The following TNFSF8 variants were observed in gnomAD, a reference collection of about 807,000 sequenced individuals.
TNFSF8 encodes TNF superfamily member 8.
Under a neutral mutation model 22.0 loss-of-function variants are expected in TNFSF8, and 4 were observed. The ratio of observed to expected loss-of-function variants is 0.18; its 90% CI spans 0.09 to 0.42. The LOEUF (loss-of-function observed/expected upper bound fraction) is 0.42. Ranked by LOEUF, TNFSF8 falls within the 10% of genes least tolerant of loss-of-function variation. TNFSF8 has a pLI of 1.00. For synonymous variants in TNFSF8, 106 were observed against 112.5 expected (o/e 0.94, Z 0.37); for missense variants, 233 against 281.8 (o/e 0.83, Z 1.24).
intron 4 of TNFSF8, chr9:114,894,230 T>C: frequency 7.2e-7 from 1 of 1,382,392 alleles, no homozygotes; most frequent in Non-Finnish European, 9.9e-7. Flanking sequence ...TTTGACGTTG[T>C]TGTTACTCAG....
At chr9:114,922,056 A>C (rs1186698707) in intron 1 of TNFSF8, among the ~76,000 whole-genome samples, 2 of 148,492 alleles carry the variant, frequency 1.3e-5, no homozygotes, top group African/African-American at 4.9e-5. Context: ...TAGATGGCTA[A>C]TCATCCATCT....
At chr9:114,927,642 T>C (rs976309631) in intron 1 of TNFSF8, among the ~76,000 whole-genome samples, 1 of 152,256 alleles carries the variant, frequency 6.6e-6, no homozygotes, top group African/African-American at 2.4e-5. Flanking sequence ...ACTCATTATA[T>C]GTTATGACTT....
intron 3 of TNFSF8, among the ~76,000 whole-genome samples, chr9:114,905,565 G>T (rs1312612202): frequency 1.3e-5 from 2 of 152,218 alleles, no homozygotes; most frequent in African/African-American, 4.8e-5. Context: ...TGGGGACCAT[G>T]AATGCCCACA....
chr9:114,903,585 G>A lies in TNFSF8; in HGVS notation c.*346C>T, dbSNP rs1370291240. The A allele has an allele frequency of 1.9e-6, 1 of 534,078 alleles. No homozygotes were observed. The highest frequency in any genetic ancestry group is 2.4e-6 in the Non-Finnish European group (1 of 410,614). 33.1% of individuals were successfully genotyped at this position (534,078 alleles called of 1,614,324 possible). A position where few individuals can be genotyped will look rare whatever the true frequency, so the allele number is the denominator to read the frequency against. Reference sequence around the variant, plus strand: ...CAGAGTTGCTAGCTGCTCTGGTACTGGAGCCCCATTTTAACTGGAGGCTCT... The same window carrying A: ...CAGAGTTGCTAGCTGCTCTGGTACTAGAGCCCCATTTTAACTGGAGGCTCT... On this transcript the variant is annotated 3_prime_UTR_variant, in exon 4 of 4. Coordinates refer to ENST00000223795, the MANE Select transcript of TNFSF8 (RefSeq NM_001244.4).
chr9:114,905,160 C>T (rs1456358446), intron 3 of TNFSF8, among the ~76,000 whole-genome samples: 3 of 152,162 alleles, frequency 2.0e-5, no homozygotes, highest in Non-Finnish European at 2.9e-5. Context: ...CCATGCTTTC[C>T]CTTTAAACCT....
chr9:114,903,797 G>A lies in TNFSF8; in HGVS notation c.*134C>T. ...TGGAGCTGTATCTTTCCAAGAGACA[G>A]AAGGAGAAGTATACTATTTAATACC... is the stretch of plus-strand genomic sequence containing the variant. On this transcript the variant is annotated 3_prime_UTR_variant, in exon 4 of 4. Transcript: ENST00000223795. The A allele has an allele frequency of 1.4e-6, 2 of 1,435,580 alleles. No individual in the cohort carries two copies. The highest frequency in any genetic ancestry group is 1.8e-6 in the Non-Finnish European group (2 of 1,100,978). The allele number at this position is 1,435,580 out of a possible 1,614,324, so 88.9% of individuals were successfully genotyped here.
At chr9:114,929,422 T>G (rs996408340) in intron 1 of TNFSF8, among the ~76,000 whole-genome samples, 2 of 151,808 alleles carry the variant, frequency 1.3e-5, no homozygotes, top group African/African-American at 4.8e-5. Context: ...AAGCTTTCGA[T>G]TTGTCTTGCT....
At chr9:114,911,071 C>G (rs899152518) in intron 2 of TNFSF8, among the ~76,000 whole-genome samples, 2 of 152,216 alleles carry the variant, frequency 1.3e-5, no homozygotes, top group East Asian at 3.9e-4. Context: ...TAGATTCTTT[C>G]TGCCTTACTC....
chr9:114,901,408 G>A lies in TNFSF8; in HGVS notation c.*2523C>T. The A allele has an allele frequency of 1.0e-6, 1 of 985,362 alleles. No homozygotes were observed. Among genetic ancestry groups the A allele is most frequent in the Non-Finnish European group, 1.2e-6 (1 of 829,920 alleles). 61.0% of individuals were successfully genotyped at this position (985,362 alleles called of 1,614,324 possible). A position where few individuals can be genotyped will look rare whatever the true frequency, so the allele number is the denominator to read the frequency against. On this transcript the variant is annotated 3_prime_UTR_variant, in exon 4 of 4. Transcript: ENST00000223795. ...GGTGTTGGCTTTCTTAGCATTGCTTGACAGAGACTGAGATTAGAAACCACT... is the reference window on the plus strand; with the variant it reads ...GGTGTTGGCTTTCTTAGCATTGCTTAACAGAGACTGAGATTAGAAACCACT...
exon 5 of TNFSF8, chr9:114,894,089 A>G (rs973307469): frequency 1.4e-5 from 22 of 1,535,060 alleles, no homozygotes; most frequent in Non-Finnish European, 1.7e-5. Flanking sequence ...TCAGGGTTGT[A>G]GAGTTTCAAG....
At chr9:114,916,150 C>T (rs900519639) in intron 2 of TNFSF8, among the ~76,000 whole-genome samples, 5 of 152,162 alleles carry the variant, frequency 3.3e-5, no homozygotes, top group African/African-American at 1.2e-4. Context: ...CAACTTAACT[C>T]CTGTCTATAT....
intron 2 of TNFSF8, among the ~76,000 whole-genome samples, chr9:114,910,539 C>T (rs1315856189): frequency 6.6e-6 from 1 of 152,130 alleles, no homozygotes; most frequent in Non-Finnish European, 1.5e-5. Flanking sequence ...GGGTTAAATG[C>T]AGGAAGAAGT....
intron 1 of TNFSF8, among the ~76,000 whole-genome samples, chr9:114,929,078 A>G (rs891951451): frequency 2.6e-5 from 4 of 152,188 alleles, no homozygotes; most frequent in African/African-American, 9.7e-5. Context: ...AACTTCATCA[A>G]AAAATTCATG....
intron 1 of TNFSF8, among the ~76,000 whole-genome samples, chr9:114,928,990 A>T (rs1006026): frequency 3.9e-5 from 6 of 152,080 alleles, no homozygotes; most frequent in African/African-American, 1.4e-4. Flanking sequence ...AAAAGTAGGC[A>T]CTATGAAGTA....
rs1564366951 is a variant in TNFSF8, at chr9:114,902,513, T to C, written c.*1418A>G. 9.1e-6 allele frequency: 9 copies of C among 985,318 alleles called. No individual in the cohort carries two copies. The highest frequency in any genetic ancestry group is 9.6e-6 in the Non-Finnish European group (8 of 829,928). 61.0% of individuals were successfully genotyped at this position (985,318 alleles called of 1,614,324 possible). A position where few individuals can be genotyped will look rare whatever the true frequency, so the allele number is the denominator to read the frequency against. ...TCAGATGGTTTCCCAAACACCCAGA[T>C]GGTCTCTTAGATTCTGGATGGTCAG... On this transcript the variant is annotated 3_prime_UTR_variant, in exon 4 of 4. Transcript: ENST00000223795.
chr9:114,899,338 A>G (rs1395049393), downstream of TNFSF8, among the ~76,000 whole-genome samples: 2 of 119,346 alleles, frequency 1.7e-5, no homozygotes, highest in Non-Finnish European at 3.2e-5. Flanking sequence ...CTTCACAGTA[A>G]GTTATTATTT....
intron 2 of TNFSF8, among the ~76,000 whole-genome samples, chr9:114,910,176 G>A (rs998012091): frequency 6.6e-6 from 1 of 152,186 alleles, no homozygotes; most frequent in Non-Finnish European, 1.5e-5. Flanking sequence ...TGTTTGAGAG[G>A]CTGAAGAGAA....
Position 114,903,145 on chromosome 9 carries a change from C to T in TNFSF8, c.*786G>A, listed in dbSNP as rs183126529. 4 of 152,396 alleles carry T rather than the reference C, an allele frequency of 2.6e-5. No individual in the cohort carries two copies. The highest frequency in any genetic ancestry group is 4.8e-5 in the African/African-American group (2 of 41,596). 9.4% of individuals were successfully genotyped at this position (152,396 alleles called of 1,614,324 possible). A position where few individuals can be genotyped will look rare whatever the true frequency, so the allele number is the denominator to read the frequency against. ...TCTGTCTGACTTCTTATTCCTGCCT[C>T]ATGTAACCTAGAGAAGGAGGACTGC... On this transcript the variant is annotated 3_prime_UTR_variant, in exon 4 of 4. Transcript: ENST00000223795.
chr9:114,930,070 C>T (rs1487744948), intron 1 of TNFSF8, 39 bp downstream of exon 1: 4 of 1,406,548 alleles, frequency 2.8e-6, no homozygotes, highest in Non-Finnish European at 2.8e-6. Flanking sequence ...CTCGGGAAAA[C>T]AACAAGAAAA....
Sources: gnomAD v4.1 joint callset for allele counts (sites outside exome capture counted in the v4.1 genomes callset) on GRCh38, gnomAD v4.1.1 for gene constraint, MANE v1.5 for transcripts, NCBI Gene and HGNC (gene_info 2026-07-23, HGNC 2026-07-21) for gene names.